IFTAP: variants seen among roughly 807,000 people sequenced by gnomAD.
The protein encoded by IFTAP is intraflagellar transport associated protein.
IFTAP carries 19 observed loss-of-function variants against 19.4 expected under a neutral mutation model. The observed-to-expected ratio is 0.98, with a 90% CI of 0.68 to 1.44. IFTAP has a LOEUF of 1.44. Ranked by LOEUF, IFTAP falls within the 40% of genes most tolerant of loss-of-function variation. The pLI is 0.00. For missense variants in IFTAP, 240 were observed against 253.6 expected, an observed-to-expected ratio of 0.95 and a Z score of 0.36; for synonymous variants, 85 against 83.5, an observed-to-expected ratio of 1.02 and a Z score of -0.10.
intron 2 of IFTAP, among the ~76,000 whole-genome samples, chr11:36,616,949 C>T (rs73437939): frequency 0.11 from 17,201 of 151,610 alleles, 1,150 homozygotes; most frequent in African/African-American, 0.17. Context: ...GAATCCGTTT[C>T]TTTAAAATGT....
chr11:36,645,396 C>T (rs61880062), intron 4 of IFTAP, among the ~76,000 whole-genome samples: 2,410 of 152,064 alleles, frequency 0.016, 29 homozygotes, highest in Middle Eastern at 0.034. Context: ...TGAAAGTGGC[C>T]CTGATTCTAT....
intron 4 of IFTAP, among the ~76,000 whole-genome samples, chr11:36,638,200 C>T (rs1341537996): frequency 3.3e-5 from 5 of 152,136 alleles, no homozygotes; most frequent in Middle Eastern, 3.4e-3. Context: ...TCACCCGGCC[C>T]GTCAATCTTT....
At chr11:36,641,937 G>C (rs1285431170) in intron 4 of IFTAP, among the ~76,000 whole-genome samples, 2 of 152,102 alleles carry the variant, frequency 1.3e-5, no homozygotes, top group African/African-American at 4.8e-5. Flanking sequence ...CTAAGGACTT[G>C]CTTTATGAAT....
At chr11:36,619,294 A>C (rs1338423176) in intron 2 of IFTAP, among the ~76,000 whole-genome samples, 1 of 152,068 alleles carries the variant, frequency 6.6e-6, no homozygotes, top group African/African-American at 2.4e-5. Context: ...CGGTGACAGC[A>C]CATAAAACAA....
At chr11:36,646,458 C>T (rs1378581493) in intron 4 of IFTAP, among the ~76,000 whole-genome samples, 1 of 152,066 alleles carries the variant, frequency 6.6e-6, no homozygotes, top group African/African-American at 2.4e-5. Context: ...ACCAGTCTTC[C>T]CACCAACCTC....
chr11:36,617,159 A>T (rs1288471140), intron 2 of IFTAP, among the ~76,000 whole-genome samples: 3 of 149,652 alleles, frequency 2.0e-5, no homozygotes, highest in African/African-American at 7.3e-5. Flanking sequence ...AAAATATATC[A>T]TTAAAAATGA....
chr11:36,618,229 G>A (rs1433720349), intron 2 of IFTAP, among the ~76,000 whole-genome samples: 2 of 151,888 alleles, frequency 1.3e-5, no homozygotes, highest in African/African-American at 4.8e-5. Flanking sequence ...GTTAAATGAG[G>A]TCATAAGGGT....
At chr11:36,628,009 C>CTTT (rs559143986) in intron 2 of IFTAP, among the ~76,000 whole-genome samples, 1 of 144,196 alleles carries the variant, frequency 6.9e-6, no homozygotes, top group African/African-American at 2.6e-5. Context: ...CTTGCGAACT[C>CTTT]TTTTTTTTTT....
At chr11:36,644,979 C>A (rs958689812) in intron 4 of IFTAP, among the ~76,000 whole-genome samples, 2 of 147,756 alleles carry the variant, frequency 1.4e-5, no homozygotes, top group African/African-American at 5.2e-5. Flanking sequence ...GCACATGTAC[C>A]CTAGAATTTA....
chr11:36,651,561 A>G (rs1462100779), intron 5 of IFTAP, among the ~76,000 whole-genome samples: 1 of 152,032 alleles, frequency 6.6e-6, no homozygotes, highest in African/African-American at 2.4e-5. Flanking sequence ...GTTTAATTAG[A>G]TCCCATTTGT....
intron 1 of IFTAP, among the ~76,000 whole-genome samples, chr11:36,609,605 G>A (rs1443915146): frequency 6.6e-6 from 1 of 152,062 alleles, no homozygotes; most frequent in Non-Finnish European, 1.5e-5. Context: ...GACTTCTTGA[G>A]CTGGCACTTC....
At chr11:36,607,322 G>A (rs956880108) in intron 1 of IFTAP, among the ~76,000 whole-genome samples, 16 of 152,154 alleles carry the variant, frequency 1.1e-4, no homozygotes, top group Admixed American at 9.8e-4. Context: ...TGAGGCATGT[G>A]TAGTTTCACG....
intron 4 of IFTAP, 25 bp downstream of exon 4, chr11:36,636,142 A>C (rs369846850): frequency 6.5e-7 from 1 of 1,548,332 alleles, no homozygotes; most frequent in Middle Eastern, 1.7e-4. Context: ...TCCTTTCTAT[A>C]CTACCTGACC....
intron 1 of IFTAP, 91 bp from the exon 2 acceptor site, chr11:36,609,990 C>G (rs1045480980): frequency 2.6e-6 from 3 of 1,152,144 alleles, no homozygotes; most frequent in Non-Finnish European, 3.8e-6. Flanking sequence ...TGTTTTGGAG[C>G]CTTGGAATTT....
rs1314886299 is a variant in IFTAP, at chr11:36,610,131, A to G, written c.28A>G (p.Ile10Val). The change falls in exon 2 of 6, where the codon ATA (isoleucine) becomes GTA (valine). Residue 10 changes from isoleucine (I) to valine (V), a missense_variant. Ile to Val is a conservative substitution (Grantham distance 29, BLOSUM62 3). Transcript: ENST00000334307. MSAHMSGLE[I>V]MDEDQLIKDV... ...GTCTGCCCATATGTCAGGATTGGAA[A>G]TAATGGATGAAGATCAATTAATCAA... 2 of 1,613,106 alleles carry G rather than the reference A, an allele frequency of 1.2e-6. No homozygotes were observed. The highest frequency in any genetic ancestry group is 1.1e-5 in the South Asian group (1 of 91,016).
chr11:36,609,678 A>C (rs1180749476), intron 1 of IFTAP, among the ~76,000 whole-genome samples: 2 of 152,120 alleles, frequency 1.3e-5, no homozygotes, highest in African/African-American at 4.8e-5. Flanking sequence ...AATTGCTCAG[A>C]ACAGCACCTG....
intron 1 of IFTAP, among the ~76,000 whole-genome samples, chr11:36,606,372 A>G (rs1392552685): frequency 6.6e-6 from 1 of 152,326 alleles, no homozygotes; most frequent in East Asian, 1.9e-4. Context: ...CTGAGGCAGG[A>G]GAATTGCTTA....
At chr11:36,613,692 T>G (rs1851954043) in intron 2 of IFTAP, among the ~76,000 whole-genome samples, 2 of 152,102 alleles carry the variant, frequency 1.3e-5, no homozygotes, top group South Asian at 4.1e-4. Context: ...AAACTTGCCT[T>G]GGGCTTCAAG....
chr11:36,658,795 T>C (rs1026854347), intron 5 of IFTAP, among the ~76,000 whole-genome samples: 2 of 152,210 alleles, frequency 1.3e-5, no homozygotes, highest in Non-Finnish European at 2.9e-5. Context: ...GTTAATGATA[T>C]TCATTCAGAT....
Sources: gnomAD v4.1 joint callset for allele counts (sites outside exome capture counted in the v4.1 genomes callset) on GRCh38, gnomAD v4.1.1 for gene constraint, MANE v1.5 for transcripts, NCBI Gene and HGNC (gene_info 2026-07-23, HGNC 2026-07-21) for gene names.